The following ADAMTSL3 variants were observed in gnomAD, a reference collection of about 807,000 sequenced individuals.
ADAMTSL3 encodes the protein ADAMTS-like protein 3.
In ADAMTSL3, 128 loss-of-function variants were observed where a neutral mutation model predicts 201.7. That is an observed-to-expected ratio of 0.63 (90% CI 0.55 to 0.73). The LOEUF is 0.73. ADAMTSL3 is among the 30% of genes least tolerant of loss of function. The probability of loss-of-function intolerance (pLI) is 0.00; values close to 1 mark genes in which losing one functional copy is unlikely to be tolerated. For missense variants in ADAMTSL3, 1,990 were observed against 2,119.6 expected (o/e 0.94, Z 1.20); for synonymous variants, 738 against 748.4 (o/e 0.99, Z 0.23).
chr15:83,998,724 A>C (rs2067735347), intron 23 of ADAMTSL3, among the ~76,000 whole-genome samples: 1 of 152,204 alleles, frequency 6.6e-6, no homozygotes, highest in Admixed American at 6.5e-5. Context: ...TGTGTTTCCC[A>C]GCCTTGATCA....
chr15:83,656,230 A>G (rs1314044640), intron 2 of ADAMTSL3, among the ~76,000 whole-genome samples: 1 of 152,220 alleles, frequency 6.6e-6, no homozygotes, highest in African/African-American at 2.4e-5. Context: ...CTGAGTTTAC[A>G]TCTATCATCA....
rs2068570658 is a variant in ADAMTSL3 at position 84,039,577 on chromosome 15, ATT to A, written c.*1774_*1775del. On this transcript the variant is annotated 3_prime_UTR_variant, in exon 30 of 30. Transcript: ENST00000286744. ...TATTATATGAAAGGTGCAATATTTT[ATT>A]TTGTACAGTATGTAATAAAGACATG... 6.6e-6 allele frequency: 1 copy of A among 152,608 alleles called. No homozygotes were observed. Among genetic ancestry groups the A allele is most frequent in the South Asian group, 2.1e-4 (1 of 4,826 alleles). The allele number at this position is 152,608 out of a possible 1,614,324, so 9.5% of individuals were successfully genotyped here.
At position 83,881,399 on chromosome 15, in the gene ADAMTSL3, G is replaced by C. The variant is rs567671122; in HGVS notation, c.961-3702G>C. 5.6e-4 allele frequency among the ~76,000 whole-genome samples: 86 copies of C among 152,308 alleles called. 1 individual carries two copies. The South Asian group carries it at 0.016, about 28-fold the overall frequency. On this transcript the variant is annotated intron_variant, in intron 9 of 29. Transcript: ENST00000286744. ...GACAGATCTGTCCAGTTTCTCAGCT[G>C]CTCAGCCACCACTTGCAGACTGGAA...
intron 19 of ADAMTSL3, 62 bp from the exon 20 acceptor site, chr15:83,970,422 G>A (rs1270815088): frequency 2.5e-6 from 4 of 1,598,918 alleles, no homozygotes; most frequent in East Asian, 2.2e-5. Flanking sequence ...AGACTTTGCT[G>A]TTGTTGGCTG....
At chr15:84,001,332 A>G (rs1329776234) in intron 23 of ADAMTSL3, among the ~76,000 whole-genome samples, 2 of 152,244 alleles carry the variant, frequency 1.3e-5, no homozygotes, top group East Asian at 1.9e-4. Context: ...CAGCATGTCA[A>G]TAAATAACAT....
chr15:83,815,790 T>C (rs2063762432), intron 5 of ADAMTSL3, among the ~76,000 whole-genome samples: 1 of 152,244 alleles, frequency 6.6e-6, no homozygotes, highest in Non-Finnish European at 1.5e-5. Flanking sequence ...TATCCTAGTG[T>C]GTGTCTTTGG....
At chr15:83,897,829 T>G (rs752086349) in intron 13 of ADAMTSL3, 29 bp from the exon 14 acceptor site, 1 of 1,554,570 alleles carries the variant, frequency 6.4e-7, no homozygotes, top group Non-Finnish European at 8.7e-7. Context: ...TTAAAAGAAA[T>G]GCGTTGGCTT....
chr15:83,829,784 A>T (rs1028036400), intron 6 of ADAMTSL3, among the ~76,000 whole-genome samples: 1 of 152,130 alleles, frequency 6.6e-6, no homozygotes, highest in Non-Finnish European at 1.5e-5. Flanking sequence ...TTCCTTATGT[A>T]CCCAGTAGTC....
At position 83,801,089 on chromosome 15, in the gene ADAMTSL3, C is replaced by T. The variant is rs112123374; in HGVS notation, c.318-3561C>T. 1.9e-3 allele frequency among the ~76,000 whole-genome samples: 284 copies of T among 152,130 alleles called. 2 individuals are homozygous for T. Among genetic ancestry groups the T allele is most frequent in the African/African-American group, 5.8e-3 (242 of 41,510 alleles). ...TGCTGCTTGAATGTTTAAAATTTGA[C>T]GTACTCTTAGCAAGATTTTAATAAA... On this transcript the variant is annotated intron_variant, in intron 4 of 29. Transcript: ENST00000286744.
chr15:83,975,390 G>A (rs984060000), intron 20 of ADAMTSL3, among the ~76,000 whole-genome samples: 1 of 152,044 alleles, frequency 6.6e-6, no homozygotes, highest in Non-Finnish European at 1.5e-5. Context: ...TCCTCCTCTA[G>A]CTTTGCTAGT....
rs2067399517 is a variant in ADAMTSL3 at position 83,982,410 on chromosome 15, A to G, written c.2782A>G (p.Thr928Ala). Residue 928 changes from threonine (T) to alanine (A), a missense_variant, in exon 21 of 30, where the codon ACA becomes GCA. Transcript: ENST00000286744. ...TAGCAGAGCCTATTTGCTGCCCAAC[A>G]CATCCGTGATTATTAAGTGCCCCGT... is the stretch of plus-strand genomic sequence containing the variant. ...IGSRAYLLPNTSVIIKCPVRR... is the reference protein window; with the variant it reads ...IGSRAYLLPNASVIIKCPVRR... 6.2e-7 allele frequency: 1 copy of G among 1,614,038 alleles called. No individual in the cohort carries two copies. The highest frequency in any genetic ancestry group is 8.5e-7 in the Non-Finnish European group (1 of 1,180,034).
At chr15:83,696,162 T>G (rs993194380) in intron 2 of ADAMTSL3, among the ~76,000 whole-genome samples, 2 of 152,192 alleles carry the variant, frequency 1.3e-5, no homozygotes, top group African/African-American at 4.8e-5. Flanking sequence ...CATGGAATAT[T>G]GACATTTAAA....
At chr15:83,707,055 A>G (rs1251377558) in intron 3 of ADAMTSL3, among the ~76,000 whole-genome samples, 1 of 152,184 alleles carries the variant, frequency 6.6e-6, no homozygotes, top group East Asian at 1.9e-4. Context: ...CTTTTAAAAA[A>G]TCCCCTGATC....
intron 17 of ADAMTSL3, among the ~76,000 whole-genome samples, chr15:83,940,983 C>A (rs1268382931): frequency 6.6e-6 from 1 of 151,962 alleles, no homozygotes; most frequent in African/African-American, 2.4e-5. Context: ...CCCATATTTT[C>A]AAATATATTA....
intron 28 of ADAMTSL3, among the ~76,000 whole-genome samples, chr15:84,034,269 C>T (rs1194616427): frequency 1.3e-5 from 2 of 151,960 alleles, no homozygotes. Flanking sequence ...TGTTAGATCT[C>T]ACTTTTGAGT....
At chr15:83,789,183 T>A (rs1303940989) in intron 4 of ADAMTSL3, among the ~76,000 whole-genome samples, 3 of 152,228 alleles carry the variant, frequency 2.0e-5, no homozygotes, top group Admixed American at 2.0e-4. Context: ...TTTGTTCATT[T>A]GCCCTGCCTT....
intron 19 of ADAMTSL3, chr15:83,945,876 T>C (rs989945072): frequency 3.3e-5 from 5 of 152,182 alleles, no homozygotes; most frequent in African/African-American, 1.2e-4. Context: ...ACTTGCAGTG[T>C]GAGAAGTGTT....
intron 3 of ADAMTSL3, among the ~76,000 whole-genome samples, chr15:83,763,581 T>C (rs2062843206): frequency 6.6e-6 from 1 of 151,324 alleles, no homozygotes. Flanking sequence ...CTCGGCTCAC[T>C]GCAAGCTCTG....
intron 3 of ADAMTSL3, among the ~76,000 whole-genome samples, chr15:83,751,829 G>A (rs2062641599): frequency 6.6e-6 from 1 of 152,150 alleles, no homozygotes; most frequent in Admixed American, 6.5e-5. Context: ...CAAGTGAGGA[G>A]TAAAAAGTTT....
Sources: gnomAD v4.1 joint callset for allele counts (sites outside exome capture counted in the v4.1 genomes callset) on GRCh38, gnomAD v4.1.1 for gene constraint, MANE v1.5 for transcripts, NCBI Gene and HGNC (gene_info 2026-07-23, HGNC 2026-07-21) for gene names.